Variants in SLC2A12 observed in about 807,000 individuals in gnomAD.
The protein encoded by SLC2A12 is solute carrier family 2 member 12.
Under a neutral mutation model 41.8 loss-of-function variants are expected in SLC2A12, and 23 were observed. That is an observed-to-expected ratio of 0.55 (90% CI 0.40 to 0.78). The LOEUF (loss-of-function observed/expected upper bound fraction) is 0.78. Ranked by LOEUF, SLC2A12 falls within the 30% of genes least tolerant of loss-of-function variation. SLC2A12 has a pLI of 0.00. For synonymous variants in SLC2A12, 295 were observed against 285.9 expected (o/e 1.03, Z -0.32); for missense variants, 654 against 745.6 (o/e 0.88, Z 1.43).
At chr6:134,030,809 C>T (rs777610551) in intron 1 of SLC2A12, among the ~76,000 whole-genome samples, 2 of 152,162 alleles carry the variant, frequency 1.3e-5, no homozygotes, top group Non-Finnish European at 2.9e-5. Flanking sequence ...CAAGTAGGGC[C>T]TTGTCGGTCA....
chr6:134,035,907 T>C (rs9376004), intron 1 of SLC2A12, among the ~76,000 whole-genome samples: 29,663 of 152,160 alleles, frequency 0.19, 7,605 homozygotes, highest in African/African-American at 0.59. Flanking sequence ...GCACCAAGGG[T>C]GCCACGAGAC....
At chr6:134,035,580 G>C (rs1388409570) in intron 1 of SLC2A12, among the ~76,000 whole-genome samples, 4 of 152,088 alleles carry the variant, frequency 2.6e-5, no homozygotes, top group Non-Finnish European at 2.9e-5. Context: ...TGAGTCTTTA[G>C]ATCTTCATTT....
chr6:134,010,311 C>T (rs1158021724), intron 2 of SLC2A12, among the ~76,000 whole-genome samples: 1 of 152,144 alleles, frequency 6.6e-6, no homozygotes, highest in Non-Finnish European at 1.5e-5. Flanking sequence ...AAAGTAGTGG[C>T]TCTCTCTGGG....
intron 3 of SLC2A12, among the ~76,000 whole-genome samples, chr6:134,002,510 C>T (rs545755862): frequency 1.3e-5 from 2 of 152,280 alleles, no homozygotes; most frequent in South Asian, 4.1e-4. Context: ...TCTTCTCCCT[C>T]TCCACAGTTC....
At position 134,029,050 on chromosome 6, in the gene SLC2A12, C is replaced by T. The variant is rs1777158324; in HGVS notation, c.775G>A (p.Asp259Asn). ...TCCCAAAAACTGTACTGATATTCAT[C>T]TTTCAGGGAGGATTTGATCACAGTG... ...ELTVIKSSLK[D>N]EYQYSFWDLF... is the part of the protein sequence containing the mutation. The change falls in exon 2 of 5, where the codon GAT (aspartate) becomes AAT (asparagine). Residue 259 changes from aspartate to asparagine, a missense_variant. By Grantham distance (23) the Asp-to-Asn change is conservative. Around this residue, in one of 3 missense-constraint regions of SLC2A12, gnomAD observed 411 missense variants for 412.1 expected, o/e 1.00. Transcript: ENST00000275230. 6.2e-7 allele frequency: 1 copy of T among 1,614,216 alleles called. No homozygotes were observed. Among genetic ancestry groups the T allele is most frequent in the Non-Finnish European group, 8.5e-7 (1 of 1,180,024 alleles).
rs56710009 is a variant in SLC2A12 at position 134,005,659 on chromosome 6, T to TAAAAAAA, written c.1567+1146_1567+1152dup. 8.9e-4 allele frequency among the ~76,000 whole-genome samples: 58 copies of TAAAAAAA among 64,968 alleles called. 1 individual carries two copies. Among genetic ancestry groups the TAAAAAAA allele is most frequent in the African/African-American group, 1.3e-3 (19 of 14,816 alleles). The allele number at this position is 64,968 out of a possible 152,430, so 42.6% of individuals were successfully genotyped here. Reference sequence around the variant, plus strand: ...TGGGCAAGAGAGTGAGACTCTGTCTTAAAAAAAAAAAAAAAAAAAAAAAAA... The same window carrying TAAAAAAA: ...TGGGCAAGAGAGTGAGACTCTGTCTTAAAAAAAAAAAAAAAAAAAAAAAAAAAAAAAA... On this transcript the variant is annotated intron_variant, in intron 3 of 4. Transcript: ENST00000275230.
chr6:134,029,866 A>G (rs1777177844), intron 1 of SLC2A12, 145 bp from the exon 2 acceptor site: 1 of 1,065,400 alleles, frequency 9.4e-7, no homozygotes, highest in East Asian at 2.6e-5. Context: ...TAATACACTA[A>G]CCAAAAAATG....
In SLC2A12 at chr6:134,028,439, C is replaced by A. The variant is rs767525196; in HGVS notation, c.1386G>T (p.Trp462Cys). The stretch of plus-strand genomic sequence containing the variant: ...AAACAAGCAAGCTGGCTAAGGACAG[C>A]CATTTCAAAAAAGCTGGGACGTCCC... ...DPGDVPAFLKWLSLASLLVYV... is the reference protein window; with the variant it reads ...DPGDVPAFLKCLSLASLLVYV... The change falls in exon 2 of 5, where the codon TGG becomes TGT. Residue 462 changes from tryptophan to cysteine, a missense_variant. Physicochemically the swap from Trp to Cys is radical, Grantham distance 215. Transcript: ENST00000275230. The A allele has an allele frequency of 5.0e-6, 8 of 1,614,128 alleles. No homozygotes were observed. The highest frequency in any genetic ancestry group is 2.2e-5 in the South Asian group (2 of 91,060).
intron 1 of SLC2A12, among the ~76,000 whole-genome samples, chr6:134,037,186 A>G (rs1409232222): frequency 8.7e-6 from 1 of 115,110 alleles, no homozygotes; most frequent in Non-Finnish European, 1.6e-5. Context: ...AAGAAGTGTC[A>G]CTCTGTCGCC....
intron 2 of SLC2A12, among the ~76,000 whole-genome samples, chr6:134,010,794 C>T (rs949460256): frequency 1.3e-5 from 2 of 152,152 alleles, no homozygotes; most frequent in African/African-American, 2.4e-5. Flanking sequence ...GTTGAAGTCT[C>T]TCTGTCTCCG....
At chr6:134,008,954 C>T (rs150150925) in intron 2 of SLC2A12, 11 of 152,394 alleles carry the variant, frequency 7.2e-5, no homozygotes, top group Admixed American at 1.3e-4. Flanking sequence ...ATCTTCACCT[C>T]GTCACCTTTC....
In SLC2A12 at chr6:134,036,440, G is replaced by A. The variant is rs145849213; in HGVS notation, c.104-6719C>T. 1.6e-3 allele frequency among the ~76,000 whole-genome samples: 237 copies of A among 152,174 alleles called. 1 individual carries two copies. Among genetic ancestry groups the A allele is most frequent in the Non-Finnish European group, 3.0e-3 (206 of 68,010 alleles). On this transcript the variant is annotated intron_variant, in intron 1 of 4. Coordinates refer to ENST00000275230, the MANE Select transcript of SLC2A12 (RefSeq NM_145176.3). Reference sequence around the variant, plus strand: ...CAGTCCTCAGCATTATCTTGCCCCCGGCTCGTGTGTGCCCACTATGCACAG... The same window carrying A: ...CAGTCCTCAGCATTATCTTGCCCCCAGCTCGTGTGTGCCCACTATGCACAG...
chr6:134,016,128 C>T (rs111864287), intron 2 of SLC2A12, among the ~76,000 whole-genome samples: 5 of 152,190 alleles, frequency 3.3e-5, no homozygotes, highest in African/African-American at 1.2e-4. Context: ...TGTCTTTGCT[C>T]TAGGCTGTCT....
rs1776608405 is a variant in SLC2A12, at chr6:133,990,684, CTG to C, written c.*469_*470del. On this transcript the variant is annotated 3_prime_UTR_variant, in exon 5 of 5. Transcript: ENST00000275230. ...TAGAATATATGGGCAGTTGTCCACA[CTG>C]TGTGTTCTGGTTCTTTTTTGCGTAA... 1 of 152,664 alleles carries C rather than the reference CTG, an allele frequency of 6.6e-6. No homozygotes were observed. Among genetic ancestry groups the C allele is most frequent in the South Asian group, 2.1e-4 (1 of 4,834 alleles). 9.5% of individuals were successfully genotyped at this position (152,664 alleles called of 1,614,324 possible).
intron 2 of SLC2A12, among the ~76,000 whole-genome samples, chr6:134,021,865 G>A (rs1777044855): frequency 1.3e-5 from 2 of 152,206 alleles, no homozygotes; most frequent in Admixed American, 1.3e-4. Context: ...GGAAGGATCT[G>A]GATAGAGCAG....
chr6:134,022,579 A>AAAAG (rs1777060011), intron 2 of SLC2A12, among the ~76,000 whole-genome samples: 1 of 98,562 alleles, frequency 1.0e-5, no homozygotes, highest in South Asian at 3.4e-4. Flanking sequence ...AAAAGAAAAG[A>AAAAG]AAAGAAAAGA....
rs1394891346 is a variant in SLC2A12, at chr6:133,995,483, T to G, written c.1701-4175A>C. Among the ~76,000 whole-genome samples the G allele has an allele frequency of 4.6e-5, 7 of 152,010 alleles. No homozygotes were observed. The East Asian group carries it at 1.4e-3, about 29-fold the overall frequency. ...GTGAAGTCAGAAGCAAGGCCATCAGTGAGGAATGAGGAAATGAGGAGGTTT... is the reference window on the plus strand; with the variant it reads ...GTGAAGTCAGAAGCAAGGCCATCAGGGAGGAATGAGGAAATGAGGAGGTTT... On this transcript the variant is annotated intron_variant, in intron 4 of 4. Coordinates refer to ENST00000275230, the MANE Select transcript of SLC2A12 (RefSeq NM_145176.3).
intron 1 of SLC2A12, among the ~76,000 whole-genome samples, chr6:134,045,010 T>C (rs1022176349): frequency 3.3e-5 from 5 of 152,132 alleles, no homozygotes; most frequent in East Asian, 1.9e-4. Context: ...TTAATGGCAC[T>C]AGAAGGTGGT....
rs769060787 is a variant in SLC2A12 at position 134,029,746 on chromosome 6, G to C, written c.104-25C>G. On this transcript the variant is annotated intron_variant, in intron 1 of 4. Coordinates refer to ENST00000275230, the MANE Select transcript of SLC2A12 (RefSeq NM_145176.3). ...CCTGCAAGCAGAGAGAAGAGACAGG[G>C]AGGTCAGTTCTCAGTTGAGATTTTA... The C allele has an allele frequency of 1.2e-5, 19 of 1,575,408 alleles. No individual in the cohort carries two copies. The East Asian group carries it at 3.6e-4, about 30-fold the overall frequency.
Sources: gnomAD v4.1 joint callset for allele counts (sites outside exome capture counted in the v4.1 genomes callset) on GRCh38, gnomAD v4.1.1 for gene constraint, gnomAD v4.1.1 regional missense constraint, MANE v1.5 for transcripts, NCBI Gene and HGNC (gene_info 2026-07-23, HGNC 2026-07-21) for gene names.